PDE4D: variants seen among roughly 807,000 people sequenced by gnomAD.
PDE4D encodes 3',5'-cyclic-AMP phosphodiesterase 4D.
PDE4D carries 24 observed loss-of-function variants against 87.4 expected under a neutral mutation model. That is an observed-to-expected ratio of 0.27 (90% CI 0.20 to 0.39). The LOEUF (loss-of-function observed/expected upper bound fraction) is 0.39, where lower values mean the gene tolerates loss of function less well. Ranked by LOEUF, PDE4D falls within the 10% of genes least tolerant of loss-of-function variation. The pLI is 1.00. For synonymous variants in PDE4D, 384 were observed against 383.2 expected (o/e 1.00, Z -0.02); for missense variants, 714 against 1,041.0 (o/e 0.69, Z 4.32).
At chr5:59,565,349 T>C (rs995697505) in intron 1 of PDE4D, among the ~76,000 whole-genome samples, 1 of 152,050 alleles carries the variant, frequency 6.6e-6, no homozygotes, top group African/African-American at 2.4e-5. Flanking sequence ...AAAAACCCTA[T>C]ATTTACAAAA....
chr5:60,149,592 G>A (rs1781313926), intron 2 of PDE4D, among the ~76,000 whole-genome samples: 1 of 151,882 alleles, frequency 6.6e-6, no homozygotes, highest in Non-Finnish European at 1.5e-5. Flanking sequence ...TTCCACTAAA[G>A]GTAATTTTTA....
intron 1 of PDE4D, among the ~76,000 whole-genome samples, chr5:60,357,358 C>T (rs976151558): frequency 6.6e-6 from 1 of 151,990 alleles, no homozygotes; most frequent in Non-Finnish European, 1.5e-5. Context: ...CACTTTTAAA[C>T]TCTCTGGCTT....
intron 1 of PDE4D, among the ~76,000 whole-genome samples, chr5:60,258,851 CAT>C (rs1323921790): frequency 6.6e-6 from 1 of 151,776 alleles, no homozygotes; most frequent in African/African-American, 2.4e-5. Flanking sequence ...CTTTCTATAA[CAT>C]AGTTTCAAAT....
At chr5:60,028,085 T>G (rs866671672) in intron 2 of PDE4D, among the ~76,000 whole-genome samples, 4 of 152,212 alleles carry the variant, frequency 2.6e-5, no homozygotes, top group Admixed American at 6.5e-5. Flanking sequence ...ATGATTCTTT[T>G]AGCTTACACC....
At chr5:59,332,230 G>GT (rs538354431) in intron 1 of PDE4D, among the ~76,000 whole-genome samples, 8 of 151,642 alleles carry the variant, frequency 5.3e-5, no homozygotes, top group Non-Finnish European at 5.9e-5. Context: ...GTCAGTGATG[G>GT]TTTTTTTTGG....
chr5:59,038,307 T>C (rs1413680402), intron 6 of PDE4D, among the ~76,000 whole-genome samples: 1 of 152,176 alleles, frequency 6.6e-6, no homozygotes, highest in East Asian at 1.9e-4. Flanking sequence ...CCAAGATTAA[T>C]GGAAACAAAA....
At chr5:59,903,769 C>A (rs1029263180) in intron 3 of PDE4D, among the ~76,000 whole-genome samples, 10 of 152,124 alleles carry the variant, frequency 6.6e-5, no homozygotes, top group African/African-American at 2.4e-4. Flanking sequence ...ATGAAGACTG[C>A]CAGTTTCAAA....
intron 2 of PDE4D, among the ~76,000 whole-genome samples, chr5:60,149,767 G>A (rs1373687964): frequency 2.7e-5 from 4 of 149,610 alleles, no homozygotes; most frequent in African/African-American, 9.8e-5. Context: ...CATCCTATAT[G>A]TGTGTACATA....
At chr5:59,597,404 TCTGA>T (rs1419010910) in intron 1 of PDE4D, among the ~76,000 whole-genome samples, 1 of 152,164 alleles carries the variant, frequency 6.6e-6, no homozygotes, top group Non-Finnish European at 1.5e-5. Context: ...GTTCTTTTTC[TCTGA>T]CTGACATCTA....
At chr5:59,272,853 T>C (rs1285780154) in intron 1 of PDE4D, among the ~76,000 whole-genome samples, 5 of 152,114 alleles carry the variant, frequency 3.3e-5, no homozygotes, top group African/African-American at 1.2e-4. Flanking sequence ...GACAAGTTAG[T>C]GTGGACTGCT....
At position 60,146,635 on chromosome 5, in the gene PDE4D, C is replaced by T. The variant is rs182149398; in HGVS notation, c.42+38922G>A. 2.6e-5 allele frequency among the ~76,000 whole-genome samples: 4 copies of T among 152,178 alleles called. No individual in the cohort carries two copies. In the East Asian group the frequency reaches 5.8e-4, roughly 22 times the overall value. On this transcript the variant is annotated intron_variant, in intron 2 of 16. Coordinates refer to the PDE4D transcript ENST00000502484. ...CAAATGTACATAAATGGGAATGCAT[C>T]GAACTAAAAGCTTACATCTGCACCA...
chr5:60,280,710 G>T (rs1281474913), intron 1 of PDE4D, among the ~76,000 whole-genome samples: 2 of 152,176 alleles, frequency 1.3e-5, no homozygotes, highest in African/African-American at 4.8e-5. Flanking sequence ...GCCTTGAGAA[G>T]TTACTTAACT....
chr5:59,210,328 ATTC>A (rs980511141), intron 2 of PDE4D, among the ~76,000 whole-genome samples: 9 of 152,216 alleles, frequency 5.9e-5, no homozygotes, highest in African/African-American at 1.9e-4. Flanking sequence ...CATAAAGGGA[ATTC>A]TTCTTCCTTT....
intron 1 of PDE4D, among the ~76,000 whole-genome samples, chr5:59,506,710 CA>C (rs1554198541): frequency 6.6e-6 from 1 of 152,068 alleles, no homozygotes; most frequent in Non-Finnish European, 1.5e-5. Flanking sequence ...CACTAGACAT[CA>C]GTGAAGTGAA....
At chr5:59,957,432 T>C (rs1469846869) in intron 3 of PDE4D, among the ~76,000 whole-genome samples, 1 of 152,004 alleles carries the variant, frequency 6.6e-6, no homozygotes, top group Non-Finnish European at 1.5e-5. Flanking sequence ...CACGTATGTG[T>C]ATGTTTAGTC....
At chr5:59,866,425 G>A (rs770544293) in intron 1 of PDE4D, among the ~76,000 whole-genome samples, 14 of 152,118 alleles carry the variant, frequency 9.2e-5, no homozygotes, top group Non-Finnish European at 1.9e-4. Flanking sequence ...CTCGGGAAAT[G>A]AGTTAAGGAA....
intron 1 of PDE4D, among the ~76,000 whole-genome samples, chr5:59,779,879 T>A (rs1390618959): frequency 6.6e-6 from 1 of 152,346 alleles, no homozygotes; most frequent in South Asian, 2.1e-4. Context: ...TCAGCATTTT[T>A]AAATTTTAAT....
At position 59,754,797 on chromosome 5, in the gene PDE4D, ATTTTT is replaced by A. The variant is rs754869518; in HGVS notation, c.455+138366_455+138370del. 1.0e-4 allele frequency among the ~76,000 whole-genome samples: 10 copies of A among 96,908 alleles called. No homozygotes were observed. The East Asian group carries it at 2.1e-3, about 21-fold the overall frequency. The allele number at this position is 96,908 out of a possible 152,430, so 63.6% of individuals were successfully genotyped here. ...GCAGGTACAGAATTTTCCACAGAAC[ATTTTT>A]TTTTTTTTTTTTTTTTTTTTTTTGC... On this transcript the variant is annotated intron_variant, in intron 1 of 14. Transcript: ENST00000340635.
At chr5:60,280,313 C>CATAT (rs202013022) in intron 1 of PDE4D, among the ~76,000 whole-genome samples, 22 of 121,710 alleles carry the variant, frequency 1.8e-4, no homozygotes, top group African/African-American at 3.8e-4. Context: ...TATATACATA[C>CATAT]ATATATATAT....
Sources: allele counts gnomAD v4.1 joint callset (sites outside exome capture counted in the v4.1 genomes callset), GRCh38; gene constraint gnomAD v4.1.1; transcripts MANE v1.5; gene names NCBI Gene and HGNC (gene_info 2026-07-23, HGNC 2026-07-21).